The following KCND2 variants were observed in gnomAD, a reference collection of about 807,000 sequenced individuals.
The protein encoded by KCND2 is A-type voltage-gated potassium channel KCND2.
Under a neutral mutation model 54.4 loss-of-function variants are expected in KCND2, and 16 were observed. The ratio of observed to expected loss-of-function variants is 0.29; its 90% CI spans 0.20 to 0.45. KCND2 has a LOEUF of 0.45. Ranked by LOEUF, KCND2 falls within the 20% of genes least tolerant of loss-of-function variation. The probability of loss-of-function intolerance (pLI) is 1.00; values close to 1 mark genes in which losing one functional copy is unlikely to be tolerated. For missense variants in KCND2, 486 were observed against 824.2 expected, an observed-to-expected ratio of 0.59 and a Z score of 5.02; for synonymous variants, 317 against 310.7, an observed-to-expected ratio of 1.02 and a Z score of -0.21.
intron 1 of KCND2, among the ~76,000 whole-genome samples, chr7:120,643,709 A>G (rs545648795): frequency 6.6e-6 from 1 of 151,944 alleles, no homozygotes; most frequent in South Asian, 2.1e-4. Context: ...AGTCTATATT[A>G]CATACATACA....
chr7:120,314,298 A>T (rs752276672), intron 1 of KCND2, among the ~76,000 whole-genome samples: 1 of 151,348 alleles, frequency 6.6e-6, no homozygotes, highest in Non-Finnish European at 1.5e-5. Flanking sequence ...GCACCACTGC[A>T]CCCCAGCCTG....
Position 120,670,843 on chromosome 7 carries a change from G to A in KCND2, c.1116-62060G>A, listed in dbSNP as rs547373829. Among the ~76,000 whole-genome samples, 4 of 151,342 alleles carry A rather than the reference G, an allele frequency of 2.6e-5. No homozygotes were observed. The East Asian group carries it at 7.8e-4, about 30-fold the overall frequency. ...AGCCAGGAGAATGGCATGAACTTGG[G>A]AGGCGGAGCTTGCAGTGAGCCGAGA... is the stretch of plus-strand genomic sequence containing the variant. On this transcript the variant is annotated intron_variant, in intron 1 of 5. Transcript: ENST00000331113.
At chr7:120,372,048 G>T (rs1800772852) in intron 1 of KCND2, among the ~76,000 whole-genome samples, 1 of 151,932 alleles carries the variant, frequency 6.6e-6, no homozygotes, top group South Asian at 2.1e-4. Context: ...AAACATAGGA[G>T]TGCAGATACC....
At chr7:120,579,567 A>T (rs892099549) in intron 1 of KCND2, among the ~76,000 whole-genome samples, 122 of 151,538 alleles carry the variant, frequency 8.1e-4, no homozygotes, top group African/African-American at 2.9e-3. Flanking sequence ...GCGCCACTGC[A>T]TTCCAGCCTG....
At chr7:120,566,217 T>C (rs1792295313) in intron 1 of KCND2, among the ~76,000 whole-genome samples, 1 of 152,202 alleles carries the variant, frequency 6.6e-6, no homozygotes, top group Non-Finnish European at 1.5e-5. Flanking sequence ...GGGAAATGAT[T>C]AATAGGGAAA....
intron 1 of KCND2, among the ~76,000 whole-genome samples, chr7:120,540,022 G>A (rs947426060): frequency 6.6e-6 from 1 of 152,092 alleles, no homozygotes; most frequent in East Asian, 1.9e-4. Context: ...TACTCTTGAA[G>A]AAAATTTTCT....
At chr7:120,702,340 T>C (rs1218607112) in intron 1 of KCND2, among the ~76,000 whole-genome samples, 5 of 152,148 alleles carry the variant, frequency 3.3e-5, no homozygotes, top group Non-Finnish European at 7.4e-5. Flanking sequence ...ATGCAGTTGA[T>C]AGGAGTGTAA....
At chr7:120,654,641 A>G (rs1399310900) in intron 1 of KCND2, among the ~76,000 whole-genome samples, 1 of 152,206 alleles carries the variant, frequency 6.6e-6, no homozygotes, top group African/African-American at 2.4e-5. Flanking sequence ...TATGTAATGC[A>G]TGTTCAAATA....
chr7:120,746,138 C>A, intron 5 of KCND2, 111 bp downstream of exon 5: 1 of 1,241,696 alleles, frequency 8.1e-7, no homozygotes, highest in Non-Finnish European at 1.2e-6. Context: ...TCCTATGGTT[C>A]AGGAAGAGAC....
intron 1 of KCND2, among the ~76,000 whole-genome samples, chr7:120,368,684 C>G (rs1800721043): frequency 6.6e-6 from 1 of 151,990 alleles, no homozygotes; most frequent in Non-Finnish European, 1.5e-5. Context: ...TTATCATTTT[C>G]AGTTTGGTTG....
chr7:120,387,997 A>G (rs1801014869), intron 1 of KCND2, among the ~76,000 whole-genome samples: 1 of 152,046 alleles, frequency 6.6e-6, no homozygotes, highest in South Asian at 2.1e-4. Flanking sequence ...TCTCTTTTCC[A>G]TAAAAACAGA....
rs560152224 is a variant in KCND2 at position 120,675,400 on chromosome 7, C to CT, written c.1116-57491dup. 3.0e-3 allele frequency among the ~76,000 whole-genome samples: 430 copies of CT among 144,822 alleles called. 6 individuals carry two copies. The highest frequency in any genetic ancestry group is 0.018 in the East Asian group (91 of 5,018). On this transcript the variant is annotated intron_variant, in intron 1 of 5. Coordinates refer to ENST00000331113, the MANE Select transcript of KCND2 (RefSeq NM_012281.3). ...CCACCATGCCCAGCTAATTTTTTCT[C>CT]TTTTTTTTTTTTATTTTTAGTAGAG...
intron 1 of KCND2, among the ~76,000 whole-genome samples, chr7:120,454,542 A>C (rs1802166151): frequency 6.6e-6 from 1 of 152,192 alleles, no homozygotes; most frequent in African/African-American, 2.4e-5. Flanking sequence ...AACAAGTTCC[A>C]AAATTGAATC....
At chr7:120,297,916 A>G (rs1799533209) in intron 1 of KCND2, among the ~76,000 whole-genome samples, 1 of 152,190 alleles carries the variant, frequency 6.6e-6, no homozygotes, top group African/African-American at 2.4e-5. Context: ...AGCACTGTCC[A>G]GTAGAACTTT....
At chr7:120,729,225 T>C (rs1035821279) in intron 1 of KCND2, among the ~76,000 whole-genome samples, 12 of 152,328 alleles carry the variant, frequency 7.9e-5, no homozygotes, top group African/African-American at 2.9e-4. Context: ...CCCATTTCCA[T>C]TTCTCCAGGT....
At chr7:120,311,300 G>T (rs1272060937) in intron 1 of KCND2, among the ~76,000 whole-genome samples, 1 of 152,110 alleles carries the variant, frequency 6.6e-6, no homozygotes, top group Non-Finnish European at 1.5e-5. Flanking sequence ...GCACAGTTTT[G>T]TAAATAATTA....
chr7:120,290,265 C>T (rs1017413887), intron 1 of KCND2, among the ~76,000 whole-genome samples: 30 of 151,982 alleles, frequency 2.0e-4, no homozygotes, highest in Non-Finnish European at 4.4e-5. Flanking sequence ...AACCACATAT[C>T]CTCTGACATA....
intron 1 of KCND2, among the ~76,000 whole-genome samples, chr7:120,344,195 G>T (rs192280644): frequency 5.3e-5 from 8 of 152,172 alleles, no homozygotes; most frequent in Admixed American, 5.2e-4. Flanking sequence ...GCTTATTTTA[G>T]CCACAGTTTA....
intron 1 of KCND2, among the ~76,000 whole-genome samples, chr7:120,478,662 T>TACC (rs1433787937): frequency 2.0e-5 from 3 of 152,126 alleles, no homozygotes; most frequent in African/African-American, 7.2e-5. Context: ...AATATAATTA[T>TACC]ACCTATAAGA....
Sources: gnomAD v4.1 joint callset for allele counts (sites outside exome capture counted in the v4.1 genomes callset) on GRCh38, gnomAD v4.1.1 for gene constraint, MANE v1.5 for transcripts, NCBI Gene and HGNC (gene_info 2026-07-23, HGNC 2026-07-21) for gene names.